MICU1: variants seen among roughly 807,000 people sequenced by gnomAD.
The protein encoded by MICU1 is mitochondrial calcium uptake 1, also known as calcium uptake protein 1, mitochondrial.
In MICU1, 45 loss-of-function variants were observed where a neutral mutation model predicts 56.8. The observed-to-expected ratio is 0.79, with a 90% CI of 0.62 to 1.02. The LOEUF (loss-of-function observed/expected upper bound fraction) is 1.02, where lower values mean the gene tolerates loss of function less well. Among genes scored for constraint, MICU1 ranks in the 50% least tolerant of loss-of-function variants. The pLI is 0.00. For synonymous variants in MICU1, 186 were observed against 195.1 expected (o/e 0.95, Z 0.39); for missense variants, 504 against 587.1 (o/e 0.86, Z 1.46).
intron 1 of MICU1, among the ~76,000 whole-genome samples, chr10:72,602,317 G>A (rs997649373): frequency 3.3e-5 from 5 of 151,728 alleles, no homozygotes; most frequent in Admixed American, 2.6e-4. Flanking sequence ...CGAGTGTGGT[G>A]GCACACGCCT....
At chr10:72,491,275 T>C (rs1866646677) in intron 6 of MICU1, among the ~76,000 whole-genome samples, 2 of 152,192 alleles carry the variant, frequency 1.3e-5, no homozygotes, top group Non-Finnish European at 2.9e-5. Flanking sequence ...TAGAATCAAA[T>C]ACAGTTAAAT....
chr10:72,504,976 T>C (rs1006252978), intron 6 of MICU1, among the ~76,000 whole-genome samples: 1 of 151,260 alleles, frequency 6.6e-6, no homozygotes, highest in African/African-American at 2.4e-5. Flanking sequence ...ATTATTATTA[T>C]TATTATTATT....
At chr10:72,426,373 G>A (rs928857991) in intron 8 of MICU1, among the ~76,000 whole-genome samples, 23 of 151,142 alleles carry the variant, frequency 1.5e-4, no homozygotes, top group Non-Finnish European at 2.7e-4. Context: ...CATGCAAAAA[G>A]GAAATGCTTA....
intron 3 of MICU1, among the ~76,000 whole-genome samples, chr10:72,553,428 T>C (rs1332716151): frequency 6.6e-6 from 1 of 152,030 alleles, no homozygotes; most frequent in Non-Finnish European, 1.5e-5. Context: ...AGAGGTGGGG[T>C]TTCACCGTGT....
intron 11 of MICU1, among the ~76,000 whole-genome samples, chr10:72,373,180 A>ATTTTTTTT: frequency 7.5e-6 from 1 of 133,272 alleles, no homozygotes; most frequent in African/African-American, 2.7e-5. Context: ...TTGTTTGTTC[A>ATTTTTTTT]TTTTTTTTTT....
chr10:72,550,400 T>C (rs546074599), intron 4 of MICU1, among the ~76,000 whole-genome samples: 1 of 152,226 alleles, frequency 6.6e-6, no homozygotes, highest in Non-Finnish European at 1.5e-5. Context: ...TACTCCATGA[T>C]GTTTGCACAA....
At chr10:72,423,400 A>G (rs1864242861) in intron 8 of MICU1, 29 bp from the exon 9 acceptor site, 1 of 1,609,502 alleles carries the variant, frequency 6.2e-7, no homozygotes. Flanking sequence ...GAATGTTCCT[A>G]GGGTCAATGG....
chr10:72,391,062 C>T (rs891492358), intron 10 of MICU1, among the ~76,000 whole-genome samples: 1 of 152,264 alleles, frequency 6.6e-6, no homozygotes, highest in Non-Finnish European at 1.5e-5. Context: ...AGTCTCACAA[C>T]CCTATGAGGT....
intron 11 of MICU1, among the ~76,000 whole-genome samples, chr10:72,373,744 T>C (rs1406024448): frequency 6.6e-6 from 1 of 152,200 alleles, no homozygotes; most frequent in Non-Finnish European, 1.5e-5. Flanking sequence ...GTCTTGGATA[T>C]TGGCTTCAAA....
intron 6 of MICU1, among the ~76,000 whole-genome samples, chr10:72,504,888 C>A (rs1867192278): frequency 6.6e-6 from 1 of 152,110 alleles, no homozygotes; most frequent in Non-Finnish European, 1.5e-5. Flanking sequence ...CTCAGTATCA[C>A]TAATCATCAG....
At chr10:72,532,440 C>T (rs1457250105) in intron 5 of MICU1, among the ~76,000 whole-genome samples, 3 of 152,102 alleles carry the variant, frequency 2.0e-5, no homozygotes, top group Non-Finnish European at 4.4e-5. Context: ...AGTCATTAAA[C>T]ATTTATTGTT....
chr10:72,424,467 TTC>T (rs1363188318), intron 8 of MICU1, among the ~76,000 whole-genome samples: 1 of 151,996 alleles, frequency 6.6e-6, no homozygotes, highest in African/African-American at 2.4e-5. Context: ...CACCAATATG[TTC>T]TTTTTTTTAA....
intron 10 of MICU1, among the ~76,000 whole-genome samples, chr10:72,401,037 A>G (rs1863438574): frequency 6.6e-6 from 1 of 152,158 alleles, no homozygotes; most frequent in Admixed American, 6.6e-5. Context: ...CCTGGGCTCA[A>G]GAGATCCTCC....
chr10:72,573,319 A>AC (rs1342445575), intron 1 of MICU1, among the ~76,000 whole-genome samples: 12 of 149,086 alleles, frequency 8.0e-5, no homozygotes, highest in African/African-American at 2.7e-4. Context: ...AAAAAAAAAA[A>AC]AAAAAAAAAA....
At chr10:72,598,801 C>T (rs1841445447) in intron 1 of MICU1, among the ~76,000 whole-genome samples, 1 of 152,078 alleles carries the variant, frequency 6.6e-6, no homozygotes, top group Admixed American at 6.6e-5. Context: ...ATATTAGGGT[C>T]TGGAAAAAAC....
intron 1 of MICU1, among the ~76,000 whole-genome samples, chr10:72,616,651 G>GAA (rs201165276): frequency 3.6e-5 from 5 of 140,122 alleles, no homozygotes; most frequent in Non-Finnish European, 3.1e-5. Flanking sequence ...TGGTTGGTGG[G>GAA]AAAAAAAAAA....
At chr10:72,524,702 A>C (rs892929139) in intron 5 of MICU1, 2 of 1,229,806 alleles carry the variant, frequency 1.6e-6, no homozygotes, top group African/African-American at 3.1e-5. Flanking sequence ...TGGAGCATTA[A>C]GTAATTTAAA....
chr10:72,441,113 C>T (rs113538894), intron 8 of MICU1, among the ~76,000 whole-genome samples: 6,220 of 152,098 alleles, frequency 0.041, 407 homozygotes, highest in African/African-American at 0.14. Flanking sequence ...ATGTTTATCG[C>T]GGCACTACTC....
Position 72,494,816 on chromosome 10 carries a change from CA to C in MICU1, c.652+13338del, listed in dbSNP as rs1866782249. On this transcript the variant is annotated intron_variant, in intron 6 of 11. Coordinates refer to ENST00000361114, the MANE Select transcript of MICU1 (RefSeq NM_001195518.2). ...GTTTTTCTTTCATTTACATTTTTTC[CA>C]AAAAATACACTTCAGCCCTGATTCT... Among the ~76,000 whole-genome samples the C allele has an allele frequency of 6.7e-5, 10 of 148,644 alleles. 1 individual carries two copies. In the South Asian group the frequency reaches 2.1e-3, roughly 31 times the overall value.
Sources: gnomAD v4.1 joint callset for allele counts (sites outside exome capture counted in the v4.1 genomes callset) on GRCh38, gnomAD v4.1.1 for gene constraint, MANE v1.5 for transcripts, NCBI Gene and HGNC (gene_info 2026-07-23, HGNC 2026-07-21) for gene names.